IKBKB: variants seen among roughly 807,000 people sequenced by gnomAD.
The protein encoded by IKBKB is inhibitor of nuclear factor kappa-B kinase subunit beta.
IKBKB carries 42 observed loss-of-function variants against 113.6 expected under a neutral mutation model. The observed-to-expected ratio is 0.37, with a 90% CI of 0.29 to 0.48. The LOEUF is 0.48. Among genes scored for constraint, IKBKB ranks in the 20% least tolerant of loss-of-function variants. The probability of loss-of-function intolerance (pLI) is 0.99; values close to 1 mark genes in which losing one functional copy is unlikely to be tolerated. For synonymous variants in IKBKB, 296 were observed against 361.3 expected (o/e 0.82, Z 2.05); for missense variants, 673 against 939.7 (o/e 0.72, Z 3.71).
At chr8:42,328,350 G>A (rs1821218752) in intron 20 of IKBKB, among the ~76,000 whole-genome samples, 2 of 151,962 alleles carry the variant, frequency 1.3e-5, no homozygotes, top group Middle Eastern at 3.4e-3. Context: ...TCCCTTCTGG[G>A]GCAGGCACTG....
intron 5 of IKBKB, among the ~76,000 whole-genome samples, chr8:42,301,150 C>A (rs1402012143): frequency 6.6e-6 from 1 of 152,248 alleles, no homozygotes; most frequent in Non-Finnish European, 1.5e-5. Context: ...AGCCACCATG[C>A]CTGGCCTCAC....
Position 42,271,423 on chromosome 8 carries a change from T to TCCCCCCCCCCGGGAGCCCCCC in IKBKB, c.-61_-60insCCCCCCGGGAGCCCCCCCCCC. The TCCCCCCCCCCGGGAGCCCCCC allele has an allele frequency of 6.7e-7, 1 of 1,488,672 alleles. No individual in the cohort carries two copies. Among genetic ancestry groups the TCCCCCCCCCCGGGAGCCCCCC allele is most frequent in the Non-Finnish European group, 9.0e-7 (1 of 1,111,968 alleles). The allele number at this position is 1,488,672 out of a possible 1,614,324, so 92.2% of individuals were successfully genotyped here. A position where few individuals can be genotyped will look rare whatever the true frequency, so the allele number is the denominator to read the frequency against. ...GGGTTTGGCCGCCCCAGCCCCGCCT[T>TCCCCCCCCCCGGGAGCCCCCC]CCCCGCCCCGGGGAGCCCGCCCCCT... On this transcript the variant is annotated 5_prime_UTR_variant, in exon 1 of 22. Transcript: ENST00000520810.
rs1336292337 is a variant in IKBKB at position 42,317,647 on chromosome 8, C to G, written c.1126-10C>G. 3.9e-6 allele frequency: 6 copies of G among 1,552,500 alleles called. No individual in the cohort carries two copies. Among genetic ancestry groups the G allele is most frequent in the Non-Finnish European group, 8.9e-7 (1 of 1,123,972 alleles). ...TCCACAAGATTCATTTTGTCCTTGTCCCTTTGCAGTTAAATGAGGGCCACA... is the reference window on the plus strand; with the variant it reads ...TCCACAAGATTCATTTTGTCCTTGTGCCTTTGCAGTTAAATGAGGGCCACA... On this transcript the variant is annotated splice_polypyrimidine_tract_variant and intron_variant, in intron 11 of 21. Coordinates refer to ENST00000520810, the MANE Select transcript of IKBKB (RefSeq NM_001556.3).
Position 42,271,308 on chromosome 8 carries a change from T to A in IKBKB, c.-180T>A, listed in dbSNP as rs1807647930. The A allele has an allele frequency of 1.1e-6, 1 of 920,516 alleles. No homozygotes were observed. Among genetic ancestry groups the A allele is most frequent in the Non-Finnish European group, 1.7e-6 (1 of 585,952 alleles). The allele number at this position is 920,516 out of a possible 1,614,324, so 57.0% of individuals were successfully genotyped here. On this transcript the variant is annotated 5_prime_UTR_variant, in exon 1 of 22. Transcript: ENST00000520810. ...GCCGCGGCCAACGTGCTCCGTGACG[T>A]CAGAGCAGGAAGTGTTTGAGGAAGT...
At chr8:42,292,042 C>G (rs1387500727) in intron 4 of IKBKB, among the ~76,000 whole-genome samples, 9 of 152,308 alleles carry the variant, frequency 5.9e-5, no homozygotes, top group African/African-American at 2.2e-4. Context: ...TAGGCATGTC[C>G]TGGGAGTGGC....
intron 8 of IKBKB, among the ~76,000 whole-genome samples, chr8:42,313,360 A>C (rs1818086097): frequency 6.6e-6 from 1 of 152,092 alleles, no homozygotes; most frequent in African/African-American, 2.4e-5. Flanking sequence ...CTGAGGAGGG[A>C]GGATTGCTTG....
intron 4 of IKBKB, among the ~76,000 whole-genome samples, chr8:42,292,968 C>T (rs1319055993): frequency 2.6e-5 from 4 of 152,172 alleles, no homozygotes; most frequent in South Asian, 2.1e-4. Context: ...AGAGCTCTTC[C>T]GGCCCCTGGC....
intron 2 of IKBKB, among the ~76,000 whole-genome samples, chr8:42,272,955 A>AAC (rs915103622): frequency 8.6e-5 from 13 of 151,312 alleles, no homozygotes; most frequent in African/African-American, 2.9e-4. Context: ...AAAAAAAAAA[A>AAC]AAAAAACCTT....
At chr8:42,302,846 T>TTTAATAAGGTGGAA (rs1815550600) in intron 5 of IKBKB, among the ~76,000 whole-genome samples, 1 of 152,130 alleles carries the variant, frequency 6.6e-6, no homozygotes, top group Admixed American at 6.6e-5. Flanking sequence ...CTGGAACTCC[T>TTTAATAAGGTGGAA]TTAATAAGGT....
intron 21 of IKBKB, 151 bp downstream of exon 21, chr8:42,329,365 C>T (rs1821381119): frequency 2.4e-6 from 3 of 1,231,406 alleles, no homozygotes; most frequent in Non-Finnish European, 3.1e-6. Context: ...CTCTCTCACC[C>T]AGGCTGGAGT....
chr8:42,280,079 C>T (rs1810040308), intron 2 of IKBKB, among the ~76,000 whole-genome samples: 1 of 152,190 alleles, frequency 6.6e-6, no homozygotes, highest in Non-Finnish European at 1.5e-5. Context: ...AACTCCTGGG[C>T]TCAAGCAGTC....
chr8:42,314,206 C>T, intron 8 of IKBKB, 116 bp from the exon 9 acceptor site: 1 of 779,906 alleles, frequency 1.3e-6, no homozygotes, highest in Non-Finnish European at 2.3e-6. Flanking sequence ...TAGGCTAAAC[C>T]ATCTAGGTTT....
chr8:42,278,942 C>T (rs1011975977), intron 2 of IKBKB, among the ~76,000 whole-genome samples: 13 of 151,722 alleles, frequency 8.6e-5, no homozygotes, highest in African/African-American at 3.1e-4. Context: ...TGCAGTGAGT[C>T]GAGATCGTGC....
At chr8:42,309,781 C>T (rs987272867) in intron 8 of IKBKB, 2 of 151,500 alleles carry the variant, frequency 1.3e-5, no homozygotes, top group East Asian at 3.9e-4. Flanking sequence ...GAGCATAAAG[C>T]ATAAGAATGT....
At chr8:42,286,355 T>G (rs1425634644) in intron 2 of IKBKB, among the ~76,000 whole-genome samples, 3 of 152,212 alleles carry the variant, frequency 2.0e-5, no homozygotes, top group Admixed American at 6.5e-5. Flanking sequence ...TTTTTCCTTT[T>G]CTTGCTGTGA....
Position 42,271,414 on chromosome 8 carries a change from G to GCCCCCCCATCCCCCC in IKBKB, c.-70_-69insCCCATCCCCCCCCCC. 1 of 1,506,058 alleles carries GCCCCCCCATCCCCCC rather than the reference G, an allele frequency of 6.6e-7. No individual in the cohort carries two copies. Among genetic ancestry groups the GCCCCCCCATCCCCCC allele is most frequent in the Non-Finnish European group, 8.9e-7 (1 of 1,123,822 alleles). 93.3% of individuals were successfully genotyped at this position (1,506,058 alleles called of 1,614,324 possible). ...CATAGCCCCGGGTTTGGCCGCCCCA[G>GCCCCCCCATCCCCCC]CCCCGCCTTCCCCGCCCCGGGGAGC... On this transcript the variant is annotated 5_prime_UTR_variant, in exon 1 of 22. Coordinates refer to ENST00000520810, the MANE Select transcript of IKBKB (RefSeq NM_001556.3).
chr8:42,326,240 G>A, intron 20 of IKBKB, 143 bp downstream of exon 20: 1 of 956,030 alleles, frequency 1.0e-6, no homozygotes, highest in East Asian at 2.7e-5. Context: ...GGTCCTGTGG[G>A]GACAAAAGTG....
At chr8:42,298,021 G>A in intron 5 of IKBKB, 1 of 881,686 alleles carries the variant, frequency 1.1e-6, no homozygotes. Context: ...CCCATGTGGA[G>A]CAGCTGGAAA....
At chr8:42,294,448 A>G (rs1813297039) in intron 5 of IKBKB, among the ~76,000 whole-genome samples, 1 of 152,138 alleles carries the variant, frequency 6.6e-6, no homozygotes, top group Admixed American at 6.5e-5. Context: ...CTCATTTGTA[A>G]AGCTGTCTTC....
Sources: allele counts gnomAD v4.1 joint callset (sites outside exome capture counted in the v4.1 genomes callset), GRCh38; gene constraint gnomAD v4.1.1; transcripts MANE v1.5; gene names NCBI Gene and HGNC (gene_info 2026-07-23, HGNC 2026-07-21).